PPP1R14D: variants seen among roughly 807,000 people sequenced by gnomAD.
The protein encoded by PPP1R14D is protein phosphatase 1 regulatory inhibitor subunit 14D, also known as protein phosphatase 1 regulatory subunit 14D.
A neutral mutation model predicts 17.1 loss-of-function variants in PPP1R14D; 14 were observed. The observed-to-expected ratio is 0.82, with a 90% CI of 0.54 to 1.28. PPP1R14D has a LOEUF of 1.28. PPP1R14D is among the 50% of genes most tolerant of loss of function. The pLI is 0.00. For missense variants in PPP1R14D, 173 were observed against 179.2 expected, an observed-to-expected ratio of 0.97 and a Z score of 0.20; for synonymous variants, 67 against 66.1, an observed-to-expected ratio of 1.01 and a Z score of -0.06.
In PPP1R14D at chr15:40,828,651, G is replaced by C. The variant is rs922113525; in HGVS notation, c.-10C>G. On this transcript the variant is annotated 5_prime_UTR_variant, in exon 1 of 4. Coordinates refer to ENST00000299174, the MANE Select transcript of PPP1R14D (RefSeq NM_017726.8). ...GGCTTGAAGACAGCATGGAAGTATT[G>C]GTCTGGGCAAGGAGCTGGGAAAAAC... 1 of 1,599,904 alleles carries C rather than the reference G, an allele frequency of 6.3e-7. No homozygotes were observed. Among genetic ancestry groups the C allele is most frequent in the South Asian group, 1.1e-5 (1 of 88,606 alleles).
At chr15:40,822,351 A>G (rs1045831056) in intron 1 of PPP1R14D, among the ~76,000 whole-genome samples, 4 of 151,632 alleles carry the variant, frequency 2.6e-5, no homozygotes, top group African/African-American at 9.7e-5. Flanking sequence ...AAATATTTTT[A>G]TAAATTTAGT....
At chr15:40,825,603 G>A (rs1013621395) in intron 1 of PPP1R14D, among the ~76,000 whole-genome samples, 2 of 152,214 alleles carry the variant, frequency 1.3e-5, no homozygotes, top group Non-Finnish European at 2.9e-5. Context: ...CACTGCTGCT[G>A]TCTAAGGTGG....
chr15:40,815,808 C>T, intron 3 of PPP1R14D, 47 bp from the exon 4 acceptor site: 1 of 1,535,822 alleles, frequency 6.5e-7, no homozygotes, highest in African/African-American at 1.4e-5. Context: ...CACAATTCAC[C>T]CCCCACCCTG....
rs1890658506 is a variant in PPP1R14D, at chr15:40,816,169, C to T, written c.339+1G>A. On this transcript the variant is annotated splice_donor_variant, in intron 2 of 3. Coordinates refer to ENST00000299174, the MANE Select transcript of PPP1R14D (RefSeq NM_017726.8). LOFTEE classifies it high-confidence loss of function. ...AGGCCAGCTTCTAGCCCCCATCCTA[C>T]CTCCAGCTGAGTCTTCTGCTCCTCT... 1 of 1,613,902 alleles carries T rather than the reference C, an allele frequency of 6.2e-7. No homozygotes were observed. The highest frequency in any genetic ancestry group is 1.7e-5 in the Admixed American group (1 of 60,000).
intron 1 of PPP1R14D, among the ~76,000 whole-genome samples, chr15:40,828,113 C>A (rs1176594969): frequency 6.6e-6 from 1 of 152,090 alleles, no homozygotes; most frequent in Non-Finnish European, 1.5e-5. Context: ...TCAGAAAGTC[C>A]TATAAAGGAG....
chr15:40,819,959 C>T (rs563238378), intron 1 of PPP1R14D, among the ~76,000 whole-genome samples: 7 of 151,758 alleles, frequency 4.6e-5, no homozygotes, highest in South Asian at 2.1e-4. Flanking sequence ...CTCTGCCTCC[C>T]GGGTTCAAGC....
Position 40,823,651 on chromosome 15 carries a change from G to A in PPP1R14D, c.255+4736C>T, listed in dbSNP as rs144027055. On this transcript the variant is annotated intron_variant, in intron 1 of 3. Coordinates refer to ENST00000299174, the MANE Select transcript of PPP1R14D (RefSeq NM_017726.8). Reference sequence around the variant, plus strand: ...ACATTACAGCTGCCCACAGTATTCAGTACAGTAAACTGCTGTACAGGTTTG... The same window carrying A: ...ACATTACAGCTGCCCACAGTATTCAATACAGTAAACTGCTGTACAGGTTTG... Among the ~76,000 whole-genome samples, 519 of 152,240 alleles carry A rather than the reference G, an allele frequency of 3.4e-3. 3 individuals are homozygous for A. Among genetic ancestry groups the A allele is most frequent in the African/African-American group, 0.012 (502 of 41,518 alleles).
intron 1 of PPP1R14D, among the ~76,000 whole-genome samples, chr15:40,819,419 T>C (rs144107356): frequency 1.3e-5 from 2 of 151,922 alleles, no homozygotes; most frequent in East Asian, 3.9e-4. Context: ...TATGGTGCCG[T>C]GTGCCTGTAA....
chr15:40,818,355 T>A (rs1323802115), intron 1 of PPP1R14D, among the ~76,000 whole-genome samples: 1 of 150,010 alleles, frequency 6.7e-6, no homozygotes, highest in Non-Finnish European at 1.5e-5. Context: ...TTATTCATAA[T>A]TGCCAAAACA....
At chr15:40,821,348 A>G (rs1890773345) in intron 1 of PPP1R14D, among the ~76,000 whole-genome samples, 1 of 152,052 alleles carries the variant, frequency 6.6e-6, no homozygotes, top group East Asian at 1.9e-4. Context: ...ACAAACAAAC[A>G]AACAAAACCA....
intron 1 of PPP1R14D, among the ~76,000 whole-genome samples, chr15:40,817,071 C>G (rs1890683387): frequency 6.7e-6 from 1 of 149,632 alleles, no homozygotes; most frequent in Non-Finnish European, 1.5e-5. Flanking sequence ...TGTCTTAAAA[C>G]AAAAGCTGGC....
intron 1 of PPP1R14D, among the ~76,000 whole-genome samples, chr15:40,820,893 AT>A (rs1890764704): frequency 6.7e-6 from 1 of 148,330 alleles, no homozygotes; most frequent in African/African-American, 2.6e-5. Flanking sequence ...AAAGAAAGAA[AT>A]AAAAGAACCA....
At chr15:40,825,109 C>T (rs940356166) in intron 1 of PPP1R14D, among the ~76,000 whole-genome samples, 3 of 151,736 alleles carry the variant, frequency 2.0e-5, no homozygotes, top group Non-Finnish European at 4.4e-5. Context: ...CATGGTGAAA[C>T]CTCATCTCTA....
chr15:40,820,973 G>T (rs934558930), intron 1 of PPP1R14D, among the ~76,000 whole-genome samples: 3 of 151,112 alleles, frequency 2.0e-5, no homozygotes, highest in African/African-American at 7.3e-5. Context: ...AGTGCTTGAG[G>T]CCAGGAGTTT....
At chr15:40,827,337 C>T (rs1033817220) in intron 1 of PPP1R14D, among the ~76,000 whole-genome samples, 2 of 152,018 alleles carry the variant, frequency 1.3e-5, no homozygotes, top group African/African-American at 2.4e-5. Flanking sequence ...GGAGAAACCC[C>T]GTCTCTACTA....
At chr15:40,826,467 C>T (rs1051510453) in intron 1 of PPP1R14D, among the ~76,000 whole-genome samples, 2 of 152,176 alleles carry the variant, frequency 1.3e-5, no homozygotes. Context: ...AAAAAATGCC[C>T]AGTATCTGGA....
intron 1 of PPP1R14D, among the ~76,000 whole-genome samples, chr15:40,827,237 G>A (rs1006147603): frequency 2.6e-5 from 4 of 152,144 alleles, no homozygotes; most frequent in Non-Finnish European, 5.9e-5. Context: ...GGCTGGGTGC[G>A]GTGGCTCACG....
chr15:40,822,619 T>G lies in PPP1R14D; in HGVS notation c.255+5768A>C, dbSNP rs146483876. ...CGGGTGCCTACCACGTCCTGCTAAT[T>G]TTTGCATTTTTTTAGGAGAGACGGG... On this transcript the variant is annotated intron_variant, in intron 1 of 3. Transcript: ENST00000299174. 5.3e-3 allele frequency among the ~76,000 whole-genome samples: 800 copies of G among 151,310 alleles called. 8 individuals are homozygous for G. The highest frequency in any genetic ancestry group is 0.01 in the Middle Eastern group (3 of 294).
intron 1 of PPP1R14D, 147 bp from the exon 2 acceptor site, chr15:40,816,400 A>C (rs1890665841): frequency 1.5e-6 from 1 of 683,980 alleles, no homozygotes; most frequent in African/African-American, 1.8e-5. Flanking sequence ...TTTCCATTCA[A>C]CAGTAATTTA....
Sources: gnomAD v4.1 joint callset for allele counts (sites outside exome capture counted in the v4.1 genomes callset) on GRCh38, gnomAD v4.1.1 for gene constraint, MANE v1.5 for transcripts, NCBI Gene and HGNC (gene_info 2026-07-23, HGNC 2026-07-21) for gene names.